Variants in KCNJ6 observed in about 807,000 individuals in gnomAD.
The protein encoded by KCNJ6 is G protein-activated inward rectifier potassium channel 2.
A neutral mutation model predicts 34.2 loss-of-function variants in KCNJ6; 9 were observed. The observed-to-expected ratio is 0.26, with a 90% confidence interval of 0.16 to 0.46. The LOEUF (loss-of-function observed/expected upper bound fraction) is 0.46. Ranked by LOEUF, KCNJ6 falls within the 20% of genes least tolerant of loss-of-function variation. The pLI is 1.00. For synonymous variants in KCNJ6, 196 were observed against 207.1 expected, an observed-to-expected ratio of 0.95 and a Z score of 0.46; for missense variants, 236 against 531.3, an observed-to-expected ratio of 0.44 and a Z score of 5.46.
At chr21:37,661,271 T>C (rs917640472) in intron 3 of KCNJ6, among the ~76,000 whole-genome samples, 3 of 152,222 alleles carry the variant, frequency 2.0e-5, no homozygotes, top group Non-Finnish European at 4.4e-5. Flanking sequence ...AACAAATGAC[T>C]AGTAACTTTT....
At chr21:37,711,780 C>T (rs1236536465) in intron 3 of KCNJ6, among the ~76,000 whole-genome samples, 1 of 149,588 alleles carries the variant, frequency 6.7e-6, no homozygotes, top group African/African-American at 2.5e-5. Flanking sequence ...TTCCAGACAC[C>T]TCCAGAACTT....
intron 1 of KCNJ6, among the ~76,000 whole-genome samples, chr21:37,860,174 C>G (rs1263453786): frequency 6.6e-6 from 1 of 152,136 alleles, no homozygotes; most frequent in Non-Finnish European, 1.5e-5. Context: ...TACACTGATT[C>G]CTTTTTCTCC....
rs2054563005 is a variant in KCNJ6 at position 37,675,992 on chromosome 21, C to A, written c.946+38219G>T. 6.6e-6 allele frequency among the ~76,000 whole-genome samples: 1 copy of A among 152,262 alleles called. No homozygotes were observed. Among genetic ancestry groups the A allele is most frequent in the Admixed American group, 6.5e-5 (1 of 15,292 alleles). On this transcript the variant is annotated intron_variant, in intron 3 of 3. Coordinates refer to ENST00000609713, the MANE Select transcript of KCNJ6 (RefSeq NM_002240.5). The surrounding 1 kb of genome is among the most constrained non-coding windows in gnomAD (Gnocchi z 4.2). ...CCAGCAATACCTGCACCCTTGCCAG[C>A]AGGTTGCAAATGCAGAACCCAGACC...
intron 1 of KCNJ6, among the ~76,000 whole-genome samples, chr21:37,852,912 A>C (rs907941696): frequency 3.3e-5 from 5 of 152,136 alleles, no homozygotes; most frequent in Non-Finnish European, 7.4e-5. Context: ...GCTGAACAGC[A>C]GGGTGGGTAA....
chr21:37,661,307 T>G (rs1035763283), intron 3 of KCNJ6, among the ~76,000 whole-genome samples: 2 of 152,236 alleles, frequency 1.3e-5, no homozygotes, highest in Admixed American at 6.5e-5. Flanking sequence ...TCTAATTATT[T>G]GCTTTTAACA....
chr21:37,849,985 C>G (rs999803102), intron 1 of KCNJ6, among the ~76,000 whole-genome samples: 2 of 152,204 alleles, frequency 1.3e-5, no homozygotes, highest in Non-Finnish European at 2.9e-5. Flanking sequence ...CCCTGAACAG[C>G]TGTGAGTTTC....
chr21:37,669,964 C>T (rs1456517702), intron 3 of KCNJ6, among the ~76,000 whole-genome samples: 3 of 152,042 alleles, frequency 2.0e-5, no homozygotes, highest in African/African-American at 4.8e-5. Context: ...GAAGATTTAC[C>T]CCTGTGTTTT....
chr21:37,654,875 C>A (rs937848349), intron 3 of KCNJ6, among the ~76,000 whole-genome samples: 4 of 152,040 alleles, frequency 2.6e-5, no homozygotes, highest in Non-Finnish European at 5.9e-5. Context: ...AGTGCATGAC[C>A]AGCCTCAGCC....
chr21:37,645,464 A>G (rs1459635019), intron 3 of KCNJ6, among the ~76,000 whole-genome samples: 3 of 152,208 alleles, frequency 2.0e-5, no homozygotes, highest in Non-Finnish European at 4.4e-5. Context: ...AAATAGAGAC[A>G]TATTTATCGA....
In KCNJ6 at chr21:37,695,805, G is replaced by C. The variant is rs1474067668; in HGVS notation, c.946+18406C>G. ...GACCATTCCCTAGTAAAAGGAACAAGGAATCTTTGGAGAAATGTCTGACTC... is the reference window on the plus strand; with the variant it reads ...GACCATTCCCTAGTAAAAGGAACAACGAATCTTTGGAGAAATGTCTGACTC... On this transcript the variant is annotated intron_variant, in intron 3 of 3. Coordinates refer to ENST00000609713, the MANE Select transcript of KCNJ6 (RefSeq NM_002240.5). This position sits in a 1 kb window ranked among gnomAD's most constrained non-coding sequence, Gnocchi z 4.2. 6.6e-6 allele frequency among the ~76,000 whole-genome samples: 1 copy of C among 152,198 alleles called. No individual in the cohort carries two copies. Among genetic ancestry groups the C allele is most frequent in the Admixed American group, 6.5e-5 (1 of 15,284 alleles).
At chr21:37,688,596 C>G (rs35527608) in intron 3 of KCNJ6, among the ~76,000 whole-genome samples, 2 of 152,086 alleles carry the variant, frequency 1.3e-5, no homozygotes, top group African/African-American at 4.8e-5. Context: ...CCTAGTGAGC[C>G]TAACCTTCGT....
chr21:37,846,353 CTGTGTGTGTGTGTGTGTGTGTGTGTG>C (rs55697215), intron 1 of KCNJ6, among the ~76,000 whole-genome samples: 1 of 144,960 alleles, frequency 6.9e-6, no homozygotes, highest in Non-Finnish European at 1.5e-5. Context: ...CTGAGACACT[CTGTGTGTGTGTGTGTGTGTGTGTGTG>C]TGTGTGTGTG....
intron 2 of KCNJ6, among the ~76,000 whole-genome samples, chr21:37,805,335 G>A (rs777551413): frequency 5.3e-5 from 8 of 151,526 alleles, no homozygotes; most frequent in Non-Finnish European, 1.2e-4. Flanking sequence ...GGGGTTCCAA[G>A]GTGGTCCTGT....
Position 37,675,814 on chromosome 21 carries a change from A to G in KCNJ6, c.946+38397T>C, listed in dbSNP as rs1196553718. Among the ~76,000 whole-genome samples, 1 of 151,068 alleles carries G rather than the reference A, an allele frequency of 6.6e-6. No homozygotes were observed. Among genetic ancestry groups the G allele is most frequent in the Non-Finnish European group, 1.5e-5 (1 of 67,668 alleles). The stretch of plus-strand genomic sequence containing the variant: ...ACATTGACTCCCAAATTCCTATGCT[A>G]GAGTTACCTTAACGGCAAGCCAGAC... On this transcript the variant is annotated intron_variant, in intron 3 of 3. Coordinates refer to ENST00000609713, the MANE Select transcript of KCNJ6 (RefSeq NM_002240.5). This position sits in a 1 kb window ranked among gnomAD's most constrained non-coding sequence, Gnocchi z 4.2.
At chr21:37,759,818 C>T (rs779525544) in intron 2 of KCNJ6, among the ~76,000 whole-genome samples, 2 of 152,208 alleles carry the variant, frequency 1.3e-5, no homozygotes, top group Non-Finnish European at 1.5e-5. Flanking sequence ...TGAGTGTGGG[C>T]TGGACTTAGT....
rs566259333 is a variant in KCNJ6, at chr21:37,898,065, T to C, written c.-28+17819A>G. Reference sequence around the variant, plus strand: ...GTGGGTTCTCCATGTTGACCGCCCTTTAAAACCATCTGGGAGGCTCGATGA... The same window carrying C: ...GTGGGTTCTCCATGTTGACCGCCCTCTAAAACCATCTGGGAGGCTCGATGA... On this transcript the variant is annotated intron_variant, in intron 1 of 3. Transcript: ENST00000609713. Among the ~76,000 whole-genome samples the C allele has an allele frequency of 2.9e-4, 44 of 152,216 alleles. 1 individual carries two copies. The highest frequency in any genetic ancestry group is 7.3e-5 in the Non-Finnish European group (5 of 68,038).
chr21:37,749,924 C>A (rs1255726624), intron 2 of KCNJ6, among the ~76,000 whole-genome samples: 1 of 152,154 alleles, frequency 6.6e-6, no homozygotes, highest in Admixed American at 6.5e-5. Context: ...AAGAAAGCTC[C>A]AAGCCAGTGC....
chr21:37,882,385 T>C (rs1421925423), intron 1 of KCNJ6, among the ~76,000 whole-genome samples: 1 of 152,148 alleles, frequency 6.6e-6, no homozygotes, highest in Non-Finnish European at 1.5e-5. Flanking sequence ...ATAAACCTTA[T>C]CCACAGAGGG....
intron 1 of KCNJ6, among the ~76,000 whole-genome samples, chr21:37,853,066 A>C (rs1445000443): frequency 6.6e-6 from 1 of 151,884 alleles, no homozygotes; most frequent in Admixed American, 6.6e-5. Flanking sequence ...TTTATGACAC[A>C]GAATATCAGG....
Sources: allele counts gnomAD v4.1 joint callset (sites outside exome capture counted in the v4.1 genomes callset), GRCh38; gene constraint gnomAD v4.1.1; non-coding constraint Gnocchi (gnomAD v3.1); transcripts MANE v1.5; gene names NCBI Gene and HGNC (gene_info 2026-07-23, HGNC 2026-07-21).